SOX6: variants seen among roughly 807,000 people sequenced by gnomAD.
SOX6 encodes SRY-box transcription factor 6.
In SOX6, 11 loss-of-function variants were observed where a neutral mutation model predicts 97.8. The observed-to-expected ratio is 0.11, with a 90% CI of 0.07 to 0.19. The LOEUF (loss-of-function observed/expected upper bound fraction) is 0.19. Ranked by LOEUF, SOX6 falls within the 10% of genes least tolerant of loss-of-function variation. SOX6 has a pLI of 1.00. For missense variants in SOX6, 810 were observed against 1,039.5 expected (o/e 0.78, Z 3.04); for synonymous variants, 360 against 371.4 (o/e 0.97, Z 0.35).
Position 16,596,564 on chromosome 11 carries a change from G to A in SOX6, n.609+15517C>T, listed in dbSNP as rs1848214860. On this transcript the variant is annotated intron_variant and non_coding_transcript_variant, in intron 4 of 5. Transcript: ENST00000524520. ...ATCATCCTTTAAATCACAGATCAAAGGCCATCTCCTACTAGAAGCTTTCCC... is the reference window on the plus strand; with the variant it reads ...ATCATCCTTTAAATCACAGATCAAAAGCCATCTCCTACTAGAAGCTTTCCC... Among the ~76,000 whole-genome samples the A allele has an allele frequency of 3.3e-5, 5 of 152,252 alleles. No homozygotes were observed. The South Asian group carries it at 1.0e-3, about 32-fold the overall frequency.
chr11:16,114,108 T>C (rs150802660), intron 6 of SOX6, among the ~76,000 whole-genome samples: 26 of 152,310 alleles, frequency 1.7e-4, no homozygotes, highest in Admixed American at 1.3e-4. Context: ...AAATACGTAA[T>C]GAAAAACCTG....
intron 6 of SOX6, among the ~76,000 whole-genome samples, chr11:16,165,807 A>G (rs1445041523): frequency 2.0e-5 from 3 of 151,966 alleles, no homozygotes; most frequent in Non-Finnish European, 4.4e-5. Context: ...CTGAGACATG[A>G]GAATCGCTTG....
chr11:16,082,248 T>C (rs1848488697), intron 9 of SOX6, among the ~76,000 whole-genome samples: 1 of 152,198 alleles, frequency 6.6e-6, no homozygotes, highest in South Asian at 2.1e-4. Context: ...CTGTTGGGTC[T>C]CTTGTCTGCT....
chr11:16,133,662 G>T (rs1264097339), intron 6 of SOX6, among the ~76,000 whole-genome samples: 1 of 151,230 alleles, frequency 6.6e-6, no homozygotes, highest in Non-Finnish European at 1.5e-5. Flanking sequence ...TTATTATACA[G>T]GTTTTGTTTT....
rs572921582 is a variant in SOX6 at position 16,397,882 on chromosome 11, T to C, written c.-4-56630A>G. 3.6e-4 allele frequency among the ~76,000 whole-genome samples: 54 copies of C among 151,712 alleles called. No homozygotes were observed. In the South Asian group the frequency reaches 0.011, roughly 30 times the overall value. On this transcript the variant is annotated intron_variant, in intron 1 of 15. Transcript: ENST00000396356. ...TCCAGTGCATACCAGCCCATGTTTA[T>C]TGCTTTCTTATATGCAGATAAACAA...
At chr11:16,647,010 A>G (rs1243342695) in intron 3 of SOX6, among the ~76,000 whole-genome samples, 2 of 152,224 alleles carry the variant, frequency 1.3e-5, no homozygotes, top group African/African-American at 4.8e-5. Flanking sequence ...GCAGCAGTGT[A>G]TAAGTGTTCC....
At chr11:16,646,478 T>G (rs1329046558) in intron 3 of SOX6, among the ~76,000 whole-genome samples, 1 of 152,090 alleles carries the variant, frequency 6.6e-6, no homozygotes, top group Non-Finnish European at 1.5e-5. Context: ...TTTGTTTTTT[T>G]TTTTTATTTC....
chr11:16,004,257 C>A (rs1205718036), intron 13 of SOX6, among the ~76,000 whole-genome samples: 2 of 151,932 alleles, frequency 1.3e-5, no homozygotes, highest in African/African-American at 4.8e-5. Context: ...GTCCAAGTCT[C>A]ACGGTTAATA....
intron 1 of SOX6, among the ~76,000 whole-genome samples, chr11:16,352,047 C>G (rs569457151): frequency 1.3e-5 from 2 of 151,858 alleles, no homozygotes; most frequent in South Asian, 2.1e-4. Context: ...TATCTTCAAC[C>G]AGAAAAAAGT....
intron 4 of SOX6, among the ~76,000 whole-genome samples, chr11:16,525,923 AC>A (rs1367677319): frequency 6.6e-6 from 1 of 152,208 alleles, no homozygotes; most frequent in Non-Finnish European, 1.5e-5. Flanking sequence ...GCAAATCAAA[AC>A]CACAATGAGA....
intron 9 of SOX6, among the ~76,000 whole-genome samples, chr11:16,059,246 T>G (rs1006726531): frequency 6.6e-6 from 1 of 152,088 alleles, no homozygotes; most frequent in Non-Finnish European, 1.5e-5. Context: ...AATGTTAATC[T>G]GCTGTGGTTA....
chr11:16,244,602 T>C (rs1271248806), intron 3 of SOX6, among the ~76,000 whole-genome samples: 2 of 151,764 alleles, frequency 1.3e-5, no homozygotes, highest in Non-Finnish European at 3.0e-5. Context: ...TAATTTATTT[T>C]GTATGTATGG....
At chr11:16,580,423 A>G (rs1848021632) in intron 4 of SOX6, among the ~76,000 whole-genome samples, 2 of 148,764 alleles carry the variant, frequency 1.3e-5, no homozygotes, top group South Asian at 2.1e-4. Flanking sequence ...AGGCCCAAAT[A>G]TAGGTTCAGA....
At position 15,970,891 on chromosome 11, in the gene SOX6, C is replaced by T. The variant is rs1853281324; in HGVS notation, c.*1918G>A. 2 of 152,646 alleles carry T rather than the reference C, an allele frequency of 1.3e-5. No individual in the cohort carries two copies. Among genetic ancestry groups the T allele is most frequent in the Admixed American group, 1.3e-4 (2 of 15,280 alleles). The allele number at this position is 152,646 out of a possible 1,614,324, so 9.5% of individuals were successfully genotyped here. ...AACTATCCCATTCACTGACATTCTC[C>T]CACTAAACCTCTCTGGGGGAAGCCC... On this transcript the variant is annotated 3_prime_UTR_variant, in exon 16 of 16. Coordinates refer to ENST00000683767, the MANE Select transcript of SOX6 (RefSeq NM_001367873.1).
chr11:16,024,412 T>C (rs1855159379), intron 12 of SOX6, among the ~76,000 whole-genome samples: 1 of 151,670 alleles, frequency 6.6e-6, no homozygotes, highest in South Asian at 2.1e-4. Flanking sequence ...AAGCAGCATA[T>C]TTTAGAGATA....
intron 4 of SOX6, among the ~76,000 whole-genome samples, chr11:16,218,277 G>C (rs1380797074): frequency 6.6e-6 from 1 of 151,952 alleles, no homozygotes. Context: ...TAAAATGTTA[G>C]ACTAGAAGAA....
intron 9 of SOX6, among the ~76,000 whole-genome samples, chr11:16,056,409 C>T (rs1293672107): frequency 1.3e-5 from 2 of 152,098 alleles, no homozygotes; most frequent in African/African-American, 4.8e-5. Context: ...GAGTGCTGTT[C>T]CCAAGGCCAC....
At chr11:16,530,641 G>C (rs556545388) in intron 4 of SOX6, among the ~76,000 whole-genome samples, 21 of 152,068 alleles carry the variant, frequency 1.4e-4, no homozygotes, top group African/African-American at 4.8e-4. Flanking sequence ...AAGACTTAGG[G>C]CCATTATAGA....
intron 3 of SOX6, among the ~76,000 whole-genome samples, chr11:16,684,614 G>C (rs536124029): frequency 1.3e-3 from 201 of 152,016 alleles, no homozygotes; most frequent in African/African-American, 4.7e-3. Flanking sequence ...ATAGCATTAG[G>C]AGAAATTCCT....
Sources: allele counts gnomAD v4.1 joint callset (sites outside exome capture counted in the v4.1 genomes callset), GRCh38; gene constraint gnomAD v4.1.1; transcripts MANE v1.5; gene names NCBI Gene and HGNC (gene_info 2026-07-23, HGNC 2026-07-21).